The following PGAP3 variants were observed in gnomAD, a reference collection of about 807,000 sequenced individuals.
The protein encoded by PGAP3 is post-GPI attachment to proteins phospholipase 3.
PGAP3 carries 31 observed loss-of-function variants against 40.3 expected under a neutral mutation model. That is an observed-to-expected ratio of 0.77 (90% CI 0.58 to 1.04). PGAP3 has a LOEUF of 1.04. Ranked by LOEUF, PGAP3 falls within the 50% of genes least tolerant of loss-of-function variation. The pLI, the probability that PGAP3 is intolerant of heterozygous loss-of-function variation, is 0.00. For missense variants in PGAP3, 413 were observed against 423.0 expected, an observed-to-expected ratio of 0.98 and a Z score of 0.21; for synonymous variants, 191 against 184.5, an observed-to-expected ratio of 1.04 and a Z score of -0.29.
chr17:39,675,760 G>A (rs1370536193), intron 3 of PGAP3, among the ~76,000 whole-genome samples: 3 of 152,150 alleles, frequency 2.0e-5, no homozygotes, highest in African/African-American at 7.2e-5. Context: ...GAGAATGGGA[G>A]GAGAAGGGGT....
chr17:39,683,628 G>A (rs543341798), intron 3 of PGAP3, among the ~76,000 whole-genome samples: 296 of 152,278 alleles, frequency 1.9e-3, no homozygotes, highest in Non-Finnish European at 4.0e-3. Flanking sequence ...GGGCAGCTCC[G>A]ACCTAGAGAC....
In PGAP3 at chr17:39,674,619, C is replaced by T. The variant is rs1434667218; in HGVS notation, c.493G>A (p.Glu165Lys). The T allele has an allele frequency of 6.4e-7, 1 of 1,550,884 alleles. No individual in the cohort carries two copies. The highest frequency in any genetic ancestry group is 8.7e-7 in the Non-Finnish European group (1 of 1,146,354). ...VFHTRDTDLT[E>K]KMDYFCASTV... ...GGGGGAGCTGGAGGAATGCTCACCT[C>T]TGTGAGGTCAGTGTCCCTGGTGTGG... is the stretch of plus-strand genomic sequence containing the variant. Residue 165 changes from glutamate to lysine, a missense_variant and splice_region_variant, in exon 4 of 8, where the codon GAG becomes AAG. Physicochemically the swap from Glu to Lys is moderately conservative, Grantham distance 56. Coordinates refer to ENST00000300658, the MANE Select transcript of PGAP3 (RefSeq NM_033419.5).
intron 3 of PGAP3, among the ~76,000 whole-genome samples, chr17:39,684,124 C>CAAAAA (rs58205601): frequency 4.7e-5 from 3 of 64,366 alleles, no homozygotes; most frequent in East Asian, 4.9e-4. Flanking sequence ...GACTCTGTCT[C>CAAAAA]AAAAAAAAAA....
intron 3 of PGAP3, 123 bp from the exon 4 acceptor site, chr17:39,674,802 C>T: frequency 2.0e-6 from 2 of 995,614 alleles, no homozygotes; most frequent in African/African-American, 3.2e-5. Context: ...ATGTGCTTTT[C>T]CTGCCCCTGG....
At position 39,684,573 on chromosome 17, in the gene PGAP3, C is replaced by T. The variant is rs551687428; in HGVS notation, c.432+24G>A. On this transcript the variant is annotated intron_variant, in intron 3 of 7. Coordinates refer to ENST00000300658, the MANE Select transcript of PGAP3 (RefSeq NM_033419.5). The stretch of plus-strand genomic sequence containing the variant: ...CACCTTCCTAGATAAGAGGAGACAG[C>T]AGGAGTCCTGCTAGGTTACCTACCC... 14 of 1,596,034 alleles carry T rather than the reference C, an allele frequency of 8.8e-6. No individual in the cohort carries two copies. In the African/African-American group the frequency reaches 1.3e-4, roughly 15 times the overall value.
intron 3 of PGAP3, among the ~76,000 whole-genome samples, chr17:39,681,646 C>T (rs1016067809): frequency 1.3e-5 from 2 of 152,060 alleles, no homozygotes; most frequent in Non-Finnish European, 2.9e-5. Context: ...GTATCTGGTA[C>T]TAAAGGCATG....
At chr17:39,684,876 G>T in intron 2 of PGAP3, 127 bp from the exon 3 acceptor site, 1 of 1,207,380 alleles carries the variant, frequency 8.3e-7, no homozygotes, top group Non-Finnish European at 1.1e-6. Context: ...TTTGGCCAAA[G>T]CCTCAGGTTC....
chr17:39,684,570 C>G, intron 3 of PGAP3, 27 bp downstream of exon 3: 1 of 1,591,356 alleles, frequency 6.3e-7, no homozygotes, highest in Non-Finnish European at 8.6e-7. Flanking sequence ...TAAGAGGAGA[C>G]AGCAGGAGTC....
In PGAP3 at chr17:39,685,471, G is replaced by A. The variant is rs371286927; in HGVS notation, c.279+451C>T. 6.7e-5 allele frequency among the ~76,000 whole-genome samples: 10 copies of A among 148,780 alleles called. No homozygotes were observed. In the East Asian group the frequency reaches 1.8e-3, roughly 26 times the overall value. On this transcript the variant is annotated intron_variant, in intron 2 of 7. Coordinates refer to ENST00000300658, the MANE Select transcript of PGAP3 (RefSeq NM_033419.5). ...CATGCCACTGCACTCCAGCCTGGGCGACAGAGGGAGACTCCATCTCAAAAA... is the reference window on the plus strand; with the variant it reads ...CATGCCACTGCACTCCAGCCTGGGCAACAGAGGGAGACTCCATCTCAAAAA...
intron 2 of PGAP3, 73 bp downstream of exon 2, chr17:39,685,849 G>A: frequency 2.2e-6 from 3 of 1,370,134 alleles, no homozygotes; most frequent in Non-Finnish European, 3.1e-6. Context: ...TGCTTGGACA[G>A]TGTGGTCCAA....
At chr17:39,686,183 T>C (rs1314188022) in intron 1 of PGAP3, among the ~76,000 whole-genome samples, 164 bp from the exon 2 acceptor site, 3 of 152,214 alleles carry the variant, frequency 2.0e-5, no homozygotes. Flanking sequence ...TGAGAGATGA[T>C]GAGATGTACA....
chr17:39,672,960 C>A (rs967364149), intron 7 of PGAP3, 91 bp downstream of exon 7: 10 of 1,573,268 alleles, frequency 6.4e-6, no homozygotes, highest in Non-Finnish European at 8.7e-6. Flanking sequence ...TGGGAGGGGG[C>A]GGATGGGCAC....
chr17:39,674,291 C>T (rs1287029080), intron 4 of PGAP3, among the ~76,000 whole-genome samples: 8 of 152,176 alleles, frequency 5.3e-5, no homozygotes, highest in African/African-American at 1.4e-4. Context: ...GACATGACCA[C>T]GCTGCACAGA....
chr17:39,683,422 C>A (rs780236176), intron 3 of PGAP3, among the ~76,000 whole-genome samples: 1 of 152,192 alleles, frequency 6.6e-6, no homozygotes, highest in African/African-American at 2.4e-5. Context: ...TTACACACAC[C>A]CCTGAAGCAC....
rs980952406 is a variant in PGAP3 at position 39,671,307 on chromosome 17, G to A, written c.*1496C>T. ...CAAAAATCCAGTCTGCTTCAACCAC[G>A]GAGACTGCCTTTGGGATGGAAAGTT... is the stretch of plus-strand genomic sequence containing the variant. On this transcript the variant is annotated 3_prime_UTR_variant, in exon 8 of 8. Transcript: ENST00000300658. 2.0e-5 allele frequency: 3 copies of A among 152,380 alleles called. 1 individual carries two copies. The South Asian group carries it at 6.2e-4, about 32-fold the overall frequency. 9.4% of individuals were successfully genotyped at this position (152,380 alleles called of 1,614,324 possible).
At chr17:39,681,914 C>A (rs1457538082) in intron 3 of PGAP3, among the ~76,000 whole-genome samples, 3 of 151,806 alleles carry the variant, frequency 2.0e-5, no homozygotes, top group South Asian at 2.1e-4. Flanking sequence ...TCTGCTTTAA[C>A]CCTTATAAAA....
intron 3 of PGAP3, among the ~76,000 whole-genome samples, chr17:39,681,920 T>TA (rs534097001): frequency 8.7e-5 from 13 of 149,902 alleles, no homozygotes; most frequent in South Asian, 4.4e-4. Flanking sequence ...TTAACCCTTA[T>TA]AAAAAAAAAC....
rs1316358930 is a variant in PGAP3, at chr17:39,673,092, G to C, written c.858C>G (p.Ile286Met). The C allele has an allele frequency of 1.2e-6, 2 of 1,609,438 alleles. No individual in the cohort carries two copies. The highest frequency in any genetic ancestry group is 1.1e-5 in the South Asian group (1 of 89,868). The change falls in exon 7 of 8, where the codon ATC becomes ATG. Residue 286 changes from isoleucine to methionine, a missense_variant. By Grantham distance (10) the Ile-to-Met change is conservative. Coordinates refer to ENST00000300658, the MANE Select transcript of PGAP3 (RefSeq NM_033419.5). ...GGACAGGGATGGTGCTGATGTGCCAGATGGCATGGGCATCCAGGACCCAGA... is the reference window on the plus strand; with the variant it reads ...GGACAGGGATGGTGCTGATGTGCCACATGGCATGGGCATCCAGGACCCAGA... The part of the protein sequence containing the change: ...PLFWVLDAHA[I>M]WHISTIPVHV...
In PGAP3 at chr17:39,684,739, G is replaced by C; in HGVS notation, c.290C>G (p.Ser97Cys). ...VPQFHGKWPF[S>C]RFLFFQEPAS... Reference sequence around the variant, plus strand: ...CGGCTCTTGAAAGAACAGGAACCGGGAGAAGGGCCACTGAAAAAGGAGCAG... The same window carrying C: ...CGGCTCTTGAAAGAACAGGAACCGGCAGAAGGGCCACTGAAAAAGGAGCAG... The change falls in exon 3 of 8, where the codon TCC becomes TGC. Residue 97 changes from serine to cysteine, a missense_variant. By Grantham distance (112) the Ser-to-Cys change is moderately radical. Coordinates refer to ENST00000300658, the MANE Select transcript of PGAP3 (RefSeq NM_033419.5). 6.2e-7 allele frequency: 1 copy of C among 1,605,330 alleles called. No individual in the cohort carries two copies. The highest frequency in any genetic ancestry group is 8.5e-7 in the Non-Finnish European group (1 of 1,176,034).
Sources: gnomAD v4.1 joint callset for allele counts (sites outside exome capture counted in the v4.1 genomes callset) on GRCh38, gnomAD v4.1.1 for gene constraint, MANE v1.5 for transcripts, NCBI Gene and HGNC (gene_info 2026-07-23, HGNC 2026-07-21) for gene names.